Variants in NXPE2 observed in about 807,000 individuals in gnomAD.
NXPE2 encodes the protein NXPE family member 2.
A neutral mutation model predicts 34.4 loss-of-function variants in NXPE2; 34 were observed. That is an observed-to-expected ratio of 0.99 (90% confidence interval 0.75 to 1.31). The LOEUF (loss-of-function observed/expected upper bound fraction) is 1.31, where lower values mean the gene tolerates loss of function less well. Among genes scored for constraint, NXPE2 ranks in the 40% most tolerant of loss-of-function variants. The pLI, the probability that NXPE2 is intolerant of heterozygous loss-of-function variation, is 0.00. For missense variants in NXPE2, 649 were observed against 672.5 expected, an observed-to-expected ratio of 0.97 and a Z score of 0.39; for synonymous variants, 235 against 231.3, an observed-to-expected ratio of 1.02 and a Z score of -0.15.
intron 2 of NXPE2, among the ~76,000 whole-genome samples, chr11:114,693,225 C>T (rs1951185884): frequency 6.6e-6 from 1 of 152,134 alleles, no homozygotes; most frequent in Non-Finnish European, 1.5e-5. Context: ...TTAGAGTTCT[C>T]CTTCAGGATG....
At chr11:114,679,946 A>G (rs1248997271) in intron 2 of NXPE2, among the ~76,000 whole-genome samples, 184 bp downstream of exon 2, 1 of 152,138 alleles carries the variant, frequency 6.6e-6, no homozygotes, top group Non-Finnish European at 1.5e-5. Flanking sequence ...ACTATTTTAA[A>G]TGGCAATGTA....
chr11:114,523,726 G>C, the NXPE2 span, among the ~76,000 whole-genome samples: 2 of 152,266 alleles, frequency 1.3e-5, no homozygotes, highest in South Asian at 4.1e-4. Flanking sequence ...CAGGTAGGTA[G>C]CAGTGAAGCA....
the NXPE2 span, among the ~76,000 whole-genome samples, chr11:114,620,521 T>C: frequency 6.6e-6 from 1 of 151,646 alleles, no homozygotes; most frequent in Non-Finnish European, 1.5e-5. Context: ...GTAACCACTT[T>C]AAGGCGGTAG....
the NXPE2 span, among the ~76,000 whole-genome samples, chr11:114,503,893 C>T: frequency 2.6e-5 from 4 of 152,218 alleles, no homozygotes; most frequent in Non-Finnish European, 5.9e-5. Context: ...CTAACCTGAG[C>T]ACTCTTTGGT....
the NXPE2 span, among the ~76,000 whole-genome samples, chr11:114,805,408 C>G: frequency 6.6e-6 from 1 of 152,148 alleles, no homozygotes; most frequent in Non-Finnish European, 1.5e-5. Flanking sequence ...ACCCGGGAAG[C>G]ACAAGGGGTC....
chr11:114,481,325 G>A, the NXPE2 span, among the ~76,000 whole-genome samples: 1 of 152,210 alleles, frequency 6.6e-6, no homozygotes, highest in Non-Finnish European at 1.5e-5. Flanking sequence ...GCCTAGCACA[G>A]AGAAGGAACT....
At chr11:114,614,878 A>G in the NXPE2 span, among the ~76,000 whole-genome samples, 7,413 of 151,932 alleles carry the variant, frequency 0.049, 603 homozygotes, top group African/African-American at 0.17. Flanking sequence ...TTCCCAGTGT[A>G]TAATAGGTAT....
At chr11:114,786,359 C>A in the NXPE2 span, among the ~76,000 whole-genome samples, 7 of 122,702 alleles carry the variant, frequency 5.7e-5, no homozygotes, top group African/African-American at 1.8e-4. Context: ...CTTTCTACCC[C>A]CGCCCCCCGC....
the NXPE2 span, among the ~76,000 whole-genome samples, chr11:114,575,238 C>T: frequency 1.3e-5 from 2 of 152,032 alleles, no homozygotes; most frequent in Admixed American, 1.3e-4. Flanking sequence ...CAACATAATA[C>T]TGAATGGGGA....
chr11:114,621,495 A>T, the NXPE2 span, among the ~76,000 whole-genome samples: 1 of 151,808 alleles, frequency 6.6e-6, no homozygotes, highest in East Asian at 2.0e-4. Flanking sequence ...TCTATTACTC[A>T]TTGGAAAATA....
chr11:114,571,444 C>T, the NXPE2 span: 1 of 1,609,316 alleles, frequency 6.2e-7, no homozygotes, highest in Non-Finnish European at 8.5e-7. Context: ...TGCAATTTTC[C>T]AGATTCATGC....
At chr11:114,578,543 T>G in the NXPE2 span, among the ~76,000 whole-genome samples, 1,067 of 152,266 alleles carry the variant, frequency 7.0e-3, 3 homozygotes, top group Non-Finnish European at 0.011. Flanking sequence ...TTCCTTCCAT[T>G]GAGAATTTTT....
At chr11:114,739,532 T>C in the NXPE2 span, among the ~76,000 whole-genome samples, 1 of 152,118 alleles carries the variant, frequency 6.6e-6, no homozygotes, top group Non-Finnish European at 1.5e-5. Context: ...TTAATATATG[T>C]ACACATTGTG....
chr11:114,713,935 C>T, the NXPE2 span, among the ~76,000 whole-genome samples: 1 of 152,202 alleles, frequency 6.6e-6, no homozygotes, highest in East Asian at 1.9e-4. Context: ...AAAAAGTCAT[C>T]AAGTGCTTCA....
chr11:114,749,358 A>C, the NXPE2 span, among the ~76,000 whole-genome samples: 2 of 152,324 alleles, frequency 1.3e-5, no homozygotes, highest in African/African-American at 4.8e-5. Context: ...CTGTATCAGC[A>C]GGGAACTGAT....
chr11:114,776,961 GA>G, the NXPE2 span, among the ~76,000 whole-genome samples: 1 of 152,268 alleles, frequency 6.6e-6, no homozygotes, highest in Admixed American at 6.5e-5. Context: ...ATAGCCATTT[GA>G]AAACATTATG....
chr11:114,640,221 TTATATA>T, the NXPE2 span, among the ~76,000 whole-genome samples: 6 of 139,352 alleles, frequency 4.3e-5, no homozygotes, highest in African/African-American at 1.6e-4. Flanking sequence ...AAAATGTAAT[TTATATA>T]TATAAATTAT....
At chr11:114,629,261 A>G in the NXPE2 span, among the ~76,000 whole-genome samples, 1 of 152,120 alleles carries the variant, frequency 6.6e-6, no homozygotes, top group African/African-American at 2.4e-5. Flanking sequence ...CATTGATGCA[A>G]AAATCCTCAA....
the NXPE2 span, among the ~76,000 whole-genome samples, chr11:114,787,075 C>T: frequency 6.6e-6 from 1 of 152,194 alleles, no homozygotes; most frequent in South Asian, 2.1e-4. Context: ...CCTCTTCTCC[C>T]TGCATACTCA....
Sources: allele counts gnomAD v4.1 joint callset (sites outside exome capture counted in the v4.1 genomes callset), GRCh38; gene constraint gnomAD v4.1.1; transcripts MANE v1.5; gene names NCBI Gene and HGNC (gene_info 2026-07-23, HGNC 2026-07-21).